Variants in CHTF18 observed in about 807,000 individuals in gnomAD.
The protein encoded by CHTF18 is chromosome transmission fidelity factor 18.
In CHTF18, 151 loss-of-function variants were observed where a neutral mutation model predicts 113.4. The observed-to-expected ratio is 1.33, with a 90% CI of 1.17 to 1.52. CHTF18 has a LOEUF of 1.52. CHTF18 is among the 40% of genes most tolerant of loss of function. CHTF18 has a pLI of 0.00. For missense variants in CHTF18, 1,982 were observed against 1,381.6 expected (o/e 1.43, Z -6.89); for synonymous variants, 916 against 598.8 (o/e 1.53, Z -7.74).
rs373749220 is a variant in CHTF18, at chr16:797,875, G to A, written c.2828G>A (p.Arg943His). 296 of 1,609,552 alleles carry A rather than the reference G, an allele frequency of 1.8e-4. No individual in the cohort carries two copies. Among genetic ancestry groups the A allele is most frequent in the Non-Finnish European group, 2.2e-4 (259 of 1,178,548 alleles). Reference protein sequence around the residue: ...TAPEQDSVERRMGTAVGRSEV... With the variant: ...TAPEQDSVERHMGTAVGRSEV... Reference sequence around the variant, plus strand: ...CCGGAGCAGGACTCAGTGGAGCGGCGCATGGGCACAGCGGTGGGCAGGAGC... The same window carrying A: ...CCGGAGCAGGACTCAGTGGAGCGGCACATGGGCACAGCGGTGGGCAGGAGC... Residue 943 changes from arginine (R) to histidine (H), a missense_variant, in exon 22 of 22, where the codon CGC becomes CAC. By Grantham distance (29) the Arg-to-His change is conservative. Coordinates refer to ENST00000262315, the MANE Select transcript of CHTF18 (RefSeq NM_022092.3).
chr16:789,322 G>C lies in CHTF18; in HGVS notation c.399G>C (p.Pro133=). The change falls in exon 3 of 22, where the codon CCG becomes CCC. Residue 133 remains proline, a synonymous_variant. Coordinates refer to ENST00000262315, the MANE Select transcript of CHTF18 (RefSeq NM_022092.3). ...PDSSPTDITP[P]PSPEDLAELW... is the part of the protein sequence containing the mutation. ...CCTCGCCGACGGACATCACCCCGCC[G>C]CCGAGCCCTGAGGACCTCGCAGAGC... 6.2e-7 allele frequency: 1 copy of C among 1,601,680 alleles called. No individual in the cohort carries two copies. Among genetic ancestry groups the C allele is most frequent in the Non-Finnish European group, 8.5e-7 (1 of 1,174,932 alleles).
At chr16:788,857 G>T (rs987948171) in intron 1 of CHTF18, 74 bp from the exon 2 acceptor site, 7 of 1,512,764 alleles carry the variant, frequency 4.6e-6, no homozygotes, top group Non-Finnish European at 6.2e-6. Context: ...GCCGGGGGCC[G>T]AAGGGGCCTC....
intron 19 of CHTF18, 48 bp from the exon 20 acceptor site, chr16:796,913 C>T (rs768178888): frequency 6.5e-7 from 1 of 1,544,038 alleles, no homozygotes; most frequent in Non-Finnish European, 8.8e-7. Context: ...TGCACCATCC[C>T]CACTGTATCC....
rs372267710 is a variant in CHTF18, at chr16:791,113, T to G, written c.895-48T>G. ...TGGTGGCAGGTGGACTGTCCGTGCC[T>G]GGAGGCGGTGCCCTCAGGCTGTGCT... On this transcript the variant is annotated intron_variant, in intron 7 of 21. Coordinates refer to ENST00000262315, the MANE Select transcript of CHTF18 (RefSeq NM_022092.3). The G allele has an allele frequency of 7.7e-6, 12 of 1,566,878 alleles. No individual in the cohort carries two copies. In the African/African-American group the frequency reaches 1.5e-4, roughly 19 times the overall value.
At chr16:789,429 C>G (rs60321359) in intron 3 of CHTF18, 69 bp downstream of exon 3, 42,979 of 1,533,762 alleles carry the variant, frequency 0.028, 1,516 homozygotes, top group South Asian at 0.14. Context: ...CCATCCCGTG[C>G]CCTGGATGAG....
chr16:794,908 T>C, intron 15 of CHTF18: 1 of 571,900 alleles, frequency 1.7e-6, no homozygotes, highest in East Asian at 2.9e-5. Flanking sequence ...GCGAGGATGC[T>C]CAGGGTGGAC....
Position 790,229 on chromosome 16 carries a change from G to C in CHTF18, c.659G>C (p.Gly220Ala), listed in dbSNP as rs756882443. The C allele has an allele frequency of 1.9e-5, 30 of 1,606,700 alleles. No individual in the cohort carries two copies. The highest frequency in any genetic ancestry group is 2.5e-5 in the Non-Finnish European group (29 of 1,177,438). Residue 220 changes from glycine to alanine, a missense_variant, in exon 5 of 22, where the codon GGT (glycine) becomes GCT (alanine). Coordinates refer to ENST00000262315, the MANE Select transcript of CHTF18 (RefSeq NM_022092.3). ...WRGGGQLDLL[G>A]VSLASLKKQV... Reference sequence around the variant, plus strand: ...GGCGGTGGCCAGCTGGACCTGCTGGGTGTGTCCTTAGCCTCCCTGAAGAAG... The same window carrying C: ...GGCGGTGGCCAGCTGGACCTGCTGGCTGTGTCCTTAGCCTCCCTGAAGAAG...
intron 15 of CHTF18, chr16:794,585 G>A (rs1016361395): frequency 7.8e-5 from 21 of 270,352 alleles, no homozygotes; most frequent in African/African-American, 4.0e-4. Flanking sequence ...GCTTCCTGCC[G>A]CCCTGCCCGC....
rs938148447 is a variant in CHTF18 at position 790,115 on chromosome 16, G to T, written c.607-62G>T. The T allele has an allele frequency of 2.6e-6, 4 of 1,544,268 alleles. No homozygotes were observed. The African/African-American group carries it at 4.1e-5, about 16-fold the overall frequency. ...ACCCGGGTCCCTGAGCACTGATGGG[G>T]GCTGACGTGAATCCTGTGACCTAGG... On this transcript the variant is annotated intron_variant, in intron 4 of 21. Coordinates refer to ENST00000262315, the MANE Select transcript of CHTF18 (RefSeq NM_022092.3).
chr16:789,042 C>G lies in CHTF18; in HGVS notation c.203C>G (p.Ala68Gly). 6.5e-7 allele frequency: 1 copy of G among 1,539,066 alleles called. No homozygotes were observed. Among genetic ancestry groups the G allele is most frequent in the Non-Finnish European group, 8.8e-7 (1 of 1,142,856 alleles). The change falls in exon 2 of 22, where the codon GCC becomes GGC. Residue 68 changes from alanine to glycine, a missense_variant. Coordinates refer to ENST00000262315, the MANE Select transcript of CHTF18 (RefSeq NM_022092.3). ...RGDAASSPAP[A>G]ASVGSSQGGA... ...GACGCGGCCTCCAGTCCCGCCCCAG[C>G]CGCATCTGTGGGCAGCAGCCAGGGC...
chr16:789,619 G>C lies in CHTF18; in HGVS notation c.510G>C (p.Arg170=), dbSNP rs765357018. The part of the protein sequence containing the change: ...SPAARNPVLR[R]PPILEDYVHV... ...CTGCCCGCAATCCCGTCCTGAGGCG[G>C]CCCCCCATCTTGGAGGACTACGTCC... Residue 170 remains arginine (R), a synonymous_variant, in exon 4 of 22, where the codon CGG becomes CGC. Transcript: ENST00000262315. 2.5e-6 allele frequency: 4 copies of C among 1,608,666 alleles called. No homozygotes were observed. Among genetic ancestry groups the C allele is most frequent in the South Asian group, 1.1e-5 (1 of 91,086 alleles).
Position 797,075 on chromosome 16 carries a change from G to A in CHTF18, c.2716G>A (p.Ala906Thr), listed in dbSNP as rs143075525. The A allele has an allele frequency of 6.5e-4, 1,000 of 1,537,360 alleles. 12 individuals are homozygous for A. The African/African-American group carries it at 0.012, about 18-fold the overall frequency. ...GCGGCTGGAGCACATCATGAGGCGA[G>A]CGGCCCGGGAGGAACAGGTGTGGAA... ...EQRLEHIMRR[A>T]AREEQPEKDF... is the part of the protein sequence containing the mutation. The change falls in exon 20 of 22, where the codon GCG becomes ACG. Residue 906 changes from alanine to threonine, a missense_variant. Coordinates refer to ENST00000262315, the MANE Select transcript of CHTF18 (RefSeq NM_022092.3).
intron 9 of CHTF18, 47 bp downstream of exon 9, chr16:791,995 G>C: frequency 6.4e-7 from 1 of 1,568,588 alleles, no homozygotes; most frequent in Admixed American, 1.9e-5. Context: ...GTCCTGACGT[G>C]TTTGAGTTCT....
chr16:796,391 G>T (rs530423625), intron 18 of CHTF18, among the ~76,000 whole-genome samples: 118 of 152,360 alleles, frequency 7.7e-4, no homozygotes, highest in Non-Finnish European at 1.5e-3. Context: ...TGGCCATGGG[G>T]GTGGTGGGGG....
chr16:789,771 G>A, intron 4 of CHTF18, 56 bp downstream of exon 4: 1 of 1,497,622 alleles, frequency 6.7e-7, no homozygotes, highest in Non-Finnish European at 8.9e-7. Flanking sequence ...TCAGGAAAGG[G>A]TCCTTGGAGC....
intron 15 of CHTF18, chr16:794,700 A>T (rs902845603): frequency 8.6e-6 from 2 of 233,468 alleles, no homozygotes; most frequent in Non-Finnish European, 1.7e-5. Context: ...GTGGAGGGGC[A>T]GCGTGGAGCA....
Position 795,956 on chromosome 16 carries a change from C to T in CHTF18, c.2335C>T (p.Gln779Ter), listed in dbSNP as rs1156771020. 2 of 1,609,586 alleles carry T rather than the reference C, an allele frequency of 1.2e-6. No individual in the cohort carries two copies. The highest frequency in any genetic ancestry group is 1.7e-5 in the Admixed American group (1 of 59,646). Reference protein sequence around the residue: ...LAPKLRPVSTQLYSTREKQQL... With the variant: ...LAPKLRPVST ...GCCTCCCATCCCCTAGGTGAGCACA[C>T]AGCTGTACAGCACCCGTGAAAAGCA... The change falls in exon 18 of 22, where the codon CAG (glutamine) becomes TAG (stop). Residue 779 changes from glutamine to a stop codon, truncating the protein, a stop_gained. Transcript: ENST00000262315. LOFTEE classifies it high-confidence loss of function.
rs1437524309 is a variant in CHTF18 at position 792,590 on chromosome 16, A to C, written c.1478A>C (p.Gln493Pro). The change falls in exon 11 of 22, where the codon CAG becomes CCG. Residue 493 changes from glutamine to proline, a missense_variant and splice_region_variant. By Grantham distance (76) the Gln-to-Pro change is moderately conservative. Transcript: ENST00000262315. ...CCCATTATCTGCATTTGCAATGACC[A>C]GTGAGTGCATGGGCGGGCGCCACAG... is the stretch of plus-strand genomic sequence containing the variant. ...MRPIICICND[Q>P]FAPSLRQLKQ... 2.5e-6 allele frequency: 4 copies of C among 1,595,658 alleles called. No homozygotes were observed. Among genetic ancestry groups the C allele is most frequent in the Middle Eastern group, 1.7e-4 (1 of 5,966 alleles).
intron 18 of CHTF18, 69 bp from the exon 19 acceptor site, chr16:796,648 T>G (rs2042355873): frequency 6.8e-6 from 10 of 1,471,434 alleles, no homozygotes; most frequent in Non-Finnish European, 9.0e-6. Context: ...GCGGTTGGAG[T>G]GCCCGGCGGC....
Sources: gnomAD v4.1 joint callset for allele counts (sites outside exome capture counted in the v4.1 genomes callset) on GRCh38, gnomAD v4.1.1 for gene constraint, MANE v1.5 for transcripts, NCBI Gene and HGNC (gene_info 2026-07-23, HGNC 2026-07-21) for gene names.